Variants in PDK1 observed in about 807,000 individuals in gnomAD.
PDK1 encodes pyruvate dehydrogenase kinase 1, also known as [Pyruvate dehydrogenase (acetyl-transferring)] kinase isozyme 1, mitochondrial.
Under a neutral mutation model 54.2 loss-of-function variants are expected in PDK1, and 39 were observed. That is an observed-to-expected ratio of 0.72 (90% CI 0.56 to 0.94). The LOEUF is 0.94. Among genes scored for constraint, PDK1 ranks in the 40% least tolerant of loss-of-function variants. The pLI is 0.00. For synonymous variants in PDK1, 221 were observed against 207.1 expected (o/e 1.07, Z -0.58); for missense variants, 552 against 566.0 (o/e 0.98, Z 0.25).
intron 9 of PDK1, among the ~76,000 whole-genome samples, chr2:172,589,588 G>A (rs1208201064): frequency 6.6e-6 from 1 of 152,168 alleles, no homozygotes. Context: ...GACAATCCAG[G>A]TTAGCCTCCC....
chr2:172,620,474 A>G, the PDK1 span, among the ~76,000 whole-genome samples: 1 of 152,166 alleles, frequency 6.6e-6, no homozygotes, highest in Non-Finnish European at 1.5e-5. Context: ...GAAAAGCCTC[A>G]GGGAACCTAG....
Position 172,556,199 on chromosome 2 carries a change from C to T in PDK1, c.49C>T (p.Pro17Ser). Residue 17 changes from proline to serine, a missense_variant, in exon 1 of 11, where the codon CCG becomes TCG. Physicochemically the swap from Pro to Ser is moderately conservative, Grantham distance 74. Transcript: ENST00000282077. ...CGGAGCCGCCTTGGCCGGCCCGGGCCCGGGGCTGCGCGCCGCCGGCTTCAG... is the reference window on the plus strand; with the variant it reads ...CGGAGCCGCCTTGGCCGGCCCGGGCTCGGGGCTGCGCGCCGCCGGCTTCAG... ...LRGAALAGPG[P>S]GLRAAGFSRS... 7.1e-7 allele frequency: 1 copy of T among 1,417,746 alleles called. No homozygotes were observed. Among genetic ancestry groups the T allele is most frequent in the Non-Finnish European group, 9.1e-7 (1 of 1,093,498 alleles). 87.8% of individuals were successfully genotyped at this position (1,417,746 alleles called of 1,614,324 possible). A position where few individuals can be genotyped will look rare whatever the true frequency, so the allele number is the denominator to read the frequency against.
chr2:172,651,054 A>C, the PDK1 span, among the ~76,000 whole-genome samples: 1 of 152,088 alleles, frequency 6.6e-6, no homozygotes, highest in Non-Finnish European at 1.5e-5. Flanking sequence ...AGTATTCCAA[A>C]ACTGACCACA....
rs1266860038 is a variant in PDK1 at position 172,564,626 on chromosome 2, G to A, written c.534G>A (p.Gln178=). 3 of 1,614,030 alleles carry A rather than the reference G, an allele frequency of 1.9e-6. No individual in the cohort carries two copies. The African/African-American group carries it at 4.0e-5, about 22-fold the overall frequency. The change falls in exon 4 of 11, where the codon CAG becomes CAA. Residue 178 remains glutamine (Q), a synonymous_variant. Coordinates refer to ENST00000282077, the MANE Select transcript of PDK1 (RefSeq NM_002610.5). Reference sequence around the variant, plus strand: ...ATCCTGTCACCAGCCAGAATGTTCAGTACTTTTTGGATCGATTCTACATGA... The same window carrying A: ...ATCCTGTCACCAGCCAGAATGTTCAATACTTTTTGGATCGATTCTACATGA... The part of the protein sequence containing the change: ...GVDPVTSQNV[Q]YFLDRFYMSR...
chr2:172,656,907 A>G, the PDK1 span, among the ~76,000 whole-genome samples: 8 of 152,212 alleles, frequency 5.3e-5, no homozygotes, highest in Non-Finnish European at 1.0e-4. Context: ...TCTTGGAGGT[A>G]AGACTCAAGA....
chr2:172,609,704 T>C (rs1691402384), downstream of PDK1, among the ~76,000 whole-genome samples: 1 of 152,254 alleles, frequency 6.6e-6, no homozygotes, highest in African/African-American at 2.4e-5. Flanking sequence ...ATCCTGCTGT[T>C]TGTACTTGCA....
chr2:172,622,127 CTCATATT>C, the PDK1 span, among the ~76,000 whole-genome samples: 1,301 of 119,426 alleles, frequency 0.011, 57 homozygotes, highest in African/African-American at 0.04. Context: ...ATGTTTATAT[CTCATATT>C]ATGTGAGATA....
the PDK1 span, among the ~76,000 whole-genome samples, chr2:172,637,905 C>T: frequency 6.6e-6 from 1 of 152,222 alleles, no homozygotes; most frequent in East Asian, 1.9e-4. Flanking sequence ...ACCATGTTGG[C>T]CAAGCTGGTC....
the PDK1 span, among the ~76,000 whole-genome samples, chr2:172,632,922 A>G: frequency 2.2e-5 from 3 of 138,992 alleles, no homozygotes; most frequent in Non-Finnish European, 4.6e-5. Context: ...CGGAGGTTGC[A>G]GTGAGCTGAG....
the PDK1 span, among the ~76,000 whole-genome samples, chr2:172,628,500 C>G: frequency 4.6e-5 from 7 of 152,212 alleles, no homozygotes; most frequent in Non-Finnish European, 1.0e-4. Context: ...CCCTCTACTT[C>G]ATGGTGCAAA....
chr2:172,692,135 G>A, the PDK1 span, among the ~76,000 whole-genome samples: 3 of 152,314 alleles, frequency 2.0e-5, no homozygotes, highest in South Asian at 6.2e-4. Flanking sequence ...CTTTGGTGCA[G>A]TGGAGAGGGA....
At chr2:172,704,397 G>A in the PDK1 span, among the ~76,000 whole-genome samples, 2 of 152,122 alleles carry the variant, frequency 1.3e-5, no homozygotes, top group Admixed American at 1.3e-4. Flanking sequence ...GACTGAGTTG[G>A]GGTGAAAGGG....
intron 9 of PDK1, among the ~76,000 whole-genome samples, chr2:172,590,500 G>A (rs1405358478): frequency 6.6e-6 from 1 of 152,160 alleles, no homozygotes; most frequent in African/African-American, 2.4e-5. Flanking sequence ...GAGTGTTACA[G>A]CTCTTAAAGG....
chr2:172,655,211 A>T, the PDK1 span, among the ~76,000 whole-genome samples: 2,612 of 152,284 alleles, frequency 0.017, 72 homozygotes, highest in African/African-American at 0.059. Context: ...TGTGGTCTGG[A>T]TGAGGCCCAT....
chr2:172,662,673 G>A, the PDK1 span, among the ~76,000 whole-genome samples: 1 of 151,814 alleles, frequency 6.6e-6, no homozygotes, highest in African/African-American at 2.4e-5. Context: ...ACAACCTTAG[G>A]AAAATAAATA....
At chr2:172,702,142 C>T in the PDK1 span, among the ~76,000 whole-genome samples, 1 of 152,144 alleles carries the variant, frequency 6.6e-6, no homozygotes, top group Non-Finnish European at 1.5e-5. Flanking sequence ...CTTTAATTCA[C>T]CTCTGTTCCT....
chr2:172,701,291 T>A, the PDK1 span, among the ~76,000 whole-genome samples: 1 of 151,518 alleles, frequency 6.6e-6, no homozygotes, highest in African/African-American at 2.4e-5. Flanking sequence ...AAGGTTGTCT[T>A]GATAAAAACA....
the PDK1 span, among the ~76,000 whole-genome samples, chr2:172,623,892 T>C: frequency 2.6e-5 from 4 of 152,230 alleles, no homozygotes; most frequent in Non-Finnish European, 5.9e-5. Flanking sequence ...AGGTTGGTTT[T>C]CTACCCTTCA....
chr2:172,585,655 T>G (rs935190614), intron 8 of PDK1, among the ~76,000 whole-genome samples: 1 of 151,910 alleles, frequency 6.6e-6, no homozygotes, highest in East Asian at 1.9e-4. Flanking sequence ...CAGAAAGGAG[T>G]AACAGATTTA....
Sources: gnomAD v4.1 joint callset for allele counts (sites outside exome capture counted in the v4.1 genomes callset) on GRCh38, gnomAD v4.1.1 for gene constraint, MANE v1.5 for transcripts, NCBI Gene and HGNC (gene_info 2026-07-23, HGNC 2026-07-21) for gene names.